The following DHX32 variants were observed in gnomAD, a reference collection of about 807,000 sequenced individuals.
DHX32 encodes DEAH-box helicase 32 (putative).
Under a neutral mutation model 70.0 loss-of-function variants are expected in DHX32, and 51 were observed. The ratio of observed to expected loss-of-function variants is 0.73; its 90% CI spans 0.58 to 0.92. DHX32 has a LOEUF of 0.92. Ranked by LOEUF, DHX32 falls within the 40% of genes least tolerant of loss-of-function variation. The pLI, the probability that DHX32 is intolerant of heterozygous loss-of-function variation, is 0.00. For synonymous variants in DHX32, 310 were observed against 315.3 expected (o/e 0.98, Z 0.18); for missense variants, 762 against 891.8 (o/e 0.85, Z 1.85).
chr10:125,879,015 GTTTTTTTTTTTT>G (rs35025096), intron 1 of DHX32, among the ~76,000 whole-genome samples: 9 of 56,680 alleles, frequency 1.6e-4, no homozygotes, highest in African/African-American at 5.0e-4. Flanking sequence ...GCCTTTTCTT[GTTTTTTTTTTTT>G]TTTTTTTTTT....
chr10:125,852,405 C>T lies in DHX32; in HGVS notation c.1239G>A (p.Met413Ile), dbSNP rs757116532. 1.9e-6 allele frequency: 3 copies of T among 1,614,226 alleles called. No individual in the cohort carries two copies. Among genetic ancestry groups the T allele is most frequent in the Non-Finnish European group, 2.5e-6 (3 of 1,180,050 alleles). The change falls in exon 6 of 11, where the codon ATG (methionine) becomes ATA (isoleucine). Residue 413 changes from methionine to isoleucine, a missense_variant. This residue lies in a region of DHX32 where 366 missense variants were observed against 402.6 expected (regional missense o/e 0.91). Transcript: ENST00000284690. ...GCATTTCTGCTGGCTTCAGTGGCGTCATGTCTTTGGAGGCAAATTCTTCAG... is the reference window on the plus strand; with the variant it reads ...GCATTTCTGCTGGCTTCAGTGGCGTTATGTCTTTGGAGGCAAATTCTTCAG... ...LYTEEFASKDMTPLKPAEMQE... is the reference protein window; with the variant it reads ...LYTEEFASKDITPLKPAEMQE...
chr10:125,839,584 T>C (rs10901453), intron 8 of DHX32, among the ~76,000 whole-genome samples: 19,166 of 152,248 alleles, frequency 0.13, 1,629 homozygotes, highest in Non-Finnish European at 0.19. Flanking sequence ...TTAATCAAAC[T>C]AGGCAGGAAA....
chr10:125,842,026 A>G, intron 6 of DHX32, 92 bp from the exon 7 acceptor site: 5 of 1,385,380 alleles, frequency 3.6e-6, no homozygotes, highest in Non-Finnish European at 4.7e-6. Flanking sequence ...TGAAACAAGC[A>G]AACAATGGAC....
chr10:125,849,882 A>G (rs374772333), intron 6 of DHX32, among the ~76,000 whole-genome samples: 80 of 152,342 alleles, frequency 5.3e-4, no homozygotes, highest in African/African-American at 1.9e-3. Context: ...TGTGGTAAAT[A>G]CTATTCCAGA....
At chr10:125,853,289 A>G (rs1944115742) in intron 4 of DHX32, 1 of 1,153,670 alleles carries the variant, frequency 8.7e-7, no homozygotes, top group Non-Finnish European at 1.2e-6. Context: ...GGAGGGATAA[A>G]ACATCTCGGC....
intron 3 of DHX32, among the ~76,000 whole-genome samples, chr10:125,858,626 C>T (rs2134052159): frequency 6.6e-6 from 1 of 152,310 alleles, no homozygotes; most frequent in African/African-American, 2.4e-5. Context: ...AAGGCTCTGA[C>T]AGACAGCTGA....
intron 1 of DHX32, among the ~76,000 whole-genome samples, chr10:125,891,699 G>A (rs1944372125): frequency 1.3e-5 from 2 of 152,302 alleles, no homozygotes; most frequent in South Asian, 2.1e-4. Flanking sequence ...TGTGTTGTGC[G>A]TTCTACGGTG....
chr10:125,850,691 G>C (rs1944079743), intron 6 of DHX32, among the ~76,000 whole-genome samples: 1 of 152,186 alleles, frequency 6.6e-6, no homozygotes, highest in African/African-American at 2.4e-5. Context: ...CTGTTTTCAT[G>C]AGGCGTTGCC....
Position 125,852,634 on chromosome 10 carries a change from G to T in DHX32, c.1101C>A (p.Asn367Lys). 1 of 1,607,708 alleles carries T rather than the reference G, an allele frequency of 6.2e-7. No individual in the cohort carries two copies. Among genetic ancestry groups the T allele is most frequent in the East Asian group, 2.2e-5 (1 of 44,834 alleles). Residue 367 changes from asparagine (N) to lysine (K), a missense_variant, in exon 5 of 11, where the codon AAC becomes AAA. This residue lies in a region of DHX32 where 394 missense variants were observed against 473.1 expected (regional missense o/e 0.83). Coordinates refer to ENST00000284690, the MANE Select transcript of DHX32 (RefSeq NM_018180.3). ...CGAGCGAGTTTGCTCTTATTCTCGG[G>T]TTGTACACCTTTAAATGGAAAGACA... Reference protein sequence around the residue: ...DVGVERRKVYNPRIRANSLVM... With the variant: ...DVGVERRKVYKPRIRANSLVM...
chr10:125,851,294 A>G (rs572448483), intron 6 of DHX32, among the ~76,000 whole-genome samples: 1 of 152,336 alleles, frequency 6.6e-6, no homozygotes, highest in East Asian at 1.9e-4. Context: ...TTATGTGTGT[A>G]TTGTCAGGAG....
At chr10:125,879,606 T>C (rs767449518) in intron 1 of DHX32, among the ~76,000 whole-genome samples, 7 of 152,246 alleles carry the variant, frequency 4.6e-5, no homozygotes, top group Admixed American at 2.0e-4. Flanking sequence ...TTCTGAGTGC[T>C]GCGTAATTCA....
Position 125,853,515 on chromosome 10 carries a change from A to G in DHX32, c.1092+446T>C, listed in dbSNP as rs1022445964. 5.7e-5 allele frequency: 13 copies of G among 227,482 alleles called. 1 individual carries two copies. The Admixed American group carries it at 6.7e-4, about 12-fold the overall frequency. The allele number at this position is 227,482 out of a possible 1,614,324, so 14.1% of individuals were successfully genotyped here. ...AAAATTTGCTAAAATTAAAGTCAGT[A>G]TACTTGAAACAAGTTTCTAGTAAGT... is the stretch of plus-strand genomic sequence containing the variant. On this transcript the variant is annotated intron_variant, in intron 4 of 10. Coordinates refer to ENST00000284690, the MANE Select transcript of DHX32 (RefSeq NM_018180.3).
At chr10:125,886,048 T>C (rs1256675839), upstream of DHX32, among the ~76,000 whole-genome samples, 2 of 152,214 alleles carry the variant, frequency 1.3e-5, no homozygotes, top group Non-Finnish European at 2.9e-5. Flanking sequence ...CCATCGCCTC[T>C]CTGCCCTCAT....
intron 4 of DHX32, chr10:125,853,274 CT>C: frequency 2.2e-6 from 3 of 1,380,032 alleles, no homozygotes; most frequent in African/African-American, 1.5e-5. Context: ...GGCTCATAGT[CT>C]CCTGGAGGGA....
At position 125,866,549 on chromosome 10, in the gene DHX32, C is replaced by A. The variant is rs59111193; in HGVS notation, c.476+441G>T. ...CTTCCTGGAGTAGGTGGCTGCTACA[C>A]TGCATACTGAGTGACTAGGAGGAAC... On this transcript the variant is annotated intron_variant, in intron 2 of 10. Transcript: ENST00000284690. This position sits in a 1 kb window ranked among gnomAD's most constrained non-coding sequence, Gnocchi z 4.8. 6.6e-6 allele frequency among the ~76,000 whole-genome samples: 1 copy of A among 152,182 alleles called. No individual in the cohort carries two copies. Among genetic ancestry groups the A allele is most frequent in the Non-Finnish European group, 1.5e-5 (1 of 68,026 alleles).
chr10:125,887,865 A>G (rs1944348549), intron 1 of DHX32, among the ~76,000 whole-genome samples: 1 of 152,190 alleles, frequency 6.6e-6, no homozygotes, highest in Admixed American at 6.6e-5. Flanking sequence ...TTATGGCAAA[A>G]GGCACAACAA....
intron 1 of DHX32, chr10:125,869,706 CCT>C (rs1336985798): frequency 1.3e-5 from 2 of 152,192 alleles, no homozygotes; most frequent in Non-Finnish European, 2.9e-5. Flanking sequence ...GATGTGAGCC[CCT>C]GTGCCCAGCC....
intron 2 of DHX32, among the ~76,000 whole-genome samples, chr10:125,862,010 T>C (rs576061551): frequency 1.3e-5 from 2 of 152,136 alleles, no homozygotes; most frequent in Non-Finnish European, 2.9e-5. Context: ...TGTTTCTCAT[T>C]TAATCTTCAG....
Position 125,852,279 on chromosome 10 carries a change from G to A in DHX32, c.1351+14C>T, listed in dbSNP as rs754505143. The A allele has an allele frequency of 6.2e-7, 1 of 1,611,654 alleles. No homozygotes were observed. The highest frequency in any genetic ancestry group is 8.5e-7 in the Non-Finnish European group (1 of 1,178,446). On this transcript the variant is annotated intron_variant, in intron 6 of 10. Transcript: ENST00000284690. Reference sequence around the variant, plus strand: ...TCAGCCTAATGCCTGGCTGACATGGGAGCATAAGGCTACCTGGTCTGTTCA... The same window carrying A: ...TCAGCCTAATGCCTGGCTGACATGGAAGCATAAGGCTACCTGGTCTGTTCA...
Sources: allele counts gnomAD v4.1 joint callset (sites outside exome capture counted in the v4.1 genomes callset), GRCh38; gene constraint gnomAD v4.1.1; regional missense constraint gnomAD v4.1.1; non-coding constraint Gnocchi (gnomAD v3.1); transcripts MANE v1.5; gene names NCBI Gene and HGNC (gene_info 2026-07-23, HGNC 2026-07-21).